The following ABCC12 variants were observed in gnomAD, a reference collection of about 807,000 sequenced individuals.
ABCC12 encodes ATP binding cassette subfamily C member 12, also known as ATP-binding cassette sub-family C member 12.
ABCC12 carries 142 observed loss-of-function variants against 151.1 expected under a neutral mutation model. That is an observed-to-expected ratio of 0.94 (90% confidence interval 0.82 to 1.08). ABCC12 has a LOEUF of 1.08. Ranked by LOEUF, ABCC12 falls within the 50% of genes least tolerant of loss-of-function variation. The probability of loss-of-function intolerance (pLI) is 0.00; values close to 1 mark genes in which losing one functional copy is unlikely to be tolerated. For synonymous variants in ABCC12, 645 were observed against 646.4 expected (o/e 1.00, Z 0.03); for missense variants, 1,638 against 1,691.1 (o/e 0.97, Z 0.55).
At chr16:48,129,501 C>A (rs1185539256) in intron 10 of ABCC12, among the ~76,000 whole-genome samples, 1 of 152,156 alleles carries the variant, frequency 6.6e-6, no homozygotes, top group Non-Finnish European at 1.5e-5. Context: ...ATGAAACAAG[C>A]AATTCAGGAT....
chr16:48,116,442 GA>G (rs1276608667), intron 14 of ABCC12, among the ~76,000 whole-genome samples: 8 of 152,210 alleles, frequency 5.3e-5, no homozygotes, highest in Non-Finnish European at 1.0e-4. Context: ...TGGGACTTGG[GA>G]AAGCCTTCCT....
chr16:48,138,258 A>AG lies in ABCC12; in HGVS notation c.948dup (p.Trp317LeufsTer63). The AG allele has an allele frequency of 1.2e-6, 2 of 1,611,682 alleles. No homozygotes were observed. The highest frequency in any genetic ancestry group is 1.7e-6 in the Non-Finnish European group (2 of 1,178,050). On this transcript the variant is annotated frameshift_variant, in exon 8 of 31. Coordinates refer to ENST00000311303, the MANE Select transcript of ABCC12 (RefSeq NM_001393797.1). LOFTEE classifies it high-confidence loss of function. ...ATAGTGTTGGTAAAAGATTTCTCCCAGGCATACATTTTGATCAGCCTGATG... is the reference window on the plus strand; with the variant it reads ...ATAGTGTTGGTAAAAGATTTCTCCCAGGGCATACATTTTGATCAGCCTGATG...
intron 18 of ABCC12, among the ~76,000 whole-genome samples, chr16:48,110,352 A>G (rs551334891): frequency 1.3e-5 from 2 of 152,170 alleles, no homozygotes; most frequent in Non-Finnish European, 2.9e-5. Flanking sequence ...AAATGGTGGT[A>G]GCCTTTAAAA....
chr16:48,130,676 A>C (rs1964391043), intron 10 of ABCC12, 112 bp downstream of exon 10: 1 of 769,232 alleles, frequency 1.3e-6, no homozygotes, highest in East Asian at 2.6e-5. Flanking sequence ...CCCAATGTCA[A>C]CTCAACAAGC....
rs942838816 is a variant in ABCC12 at position 48,085,399 on chromosome 16, C to T, written c.3828+194G>A. On this transcript the variant is annotated intron_variant, in intron 29 of 30. Transcript: ENST00000311303. ...AGGGGAAGCCTGGGAGGGGAAGGTG[C>T]TCTTGCTGTAAATGGCTGTTACTTT... Among the ~76,000 whole-genome samples the T allele has an allele frequency of 8.9e-4, 136 of 152,218 alleles. 1 individual carries two copies. Among genetic ancestry groups the T allele is most frequent in the Non-Finnish European group, 1.9e-4 (13 of 68,026 alleles).
intron 29 of ABCC12, among the ~76,000 whole-genome samples, chr16:48,084,771 C>T (rs767620039): frequency 4.6e-5 from 7 of 152,140 alleles, no homozygotes; most frequent in Non-Finnish European, 7.4e-5. Context: ...TTAAAAGTCT[C>T]GGAGGAACAT....
At position 48,153,892 on chromosome 16, in the gene ABCC12, G is replaced by T. The variant is rs1567460685; in HGVS notation, c.-319-8C>A. 1 of 152,202 alleles carries T rather than the reference G, an allele frequency of 6.6e-6. No individual in the cohort carries two copies. Among genetic ancestry groups the T allele is most frequent in the African/African-American group, 2.4e-5 (1 of 41,444 alleles). The allele number at this position is 152,202 out of a possible 1,614,324, so 9.4% of individuals were successfully genotyped here. ...TTGCTAAATTTGGCAGCCCTGGGGGGAAAAATGAGACTTTTTTTAAAATCA... is the reference window on the plus strand; with the variant it reads ...TTGCTAAATTTGGCAGCCCTGGGGGTAAAAATGAGACTTTTTTTAAAATCA... On this transcript the variant is annotated splice_region_variant and splice_polypyrimidine_tract_variant and intron_variant, in intron 1 of 30. Transcript: ENST00000311303.
chr16:48,117,882 T>C (rs1018158940), intron 13 of ABCC12, among the ~76,000 whole-genome samples: 26 of 151,924 alleles, frequency 1.7e-4, no homozygotes, highest in Non-Finnish European at 1.2e-4. Context: ...GAGAATGGAG[T>C]TTTCTCCCCT....
chr16:48,109,145 AG>A (rs1963600306), intron 18 of ABCC12, among the ~76,000 whole-genome samples: 1 of 152,088 alleles, frequency 6.6e-6, no homozygotes. Context: ...GGCATTTGGG[AG>A]GGGGCTGGGC....
At chr16:48,100,554 G>A (rs934253909) in intron 23 of ABCC12, among the ~76,000 whole-genome samples, 1 of 152,164 alleles carries the variant, frequency 6.6e-6, no homozygotes, top group Non-Finnish European at 1.5e-5. Flanking sequence ...GGTTTGGGGA[G>A]GGGCTGTAAG....
At chr16:48,124,355 A>G (rs2150642793) in intron 11 of ABCC12, 71 bp from the exon 12 acceptor site, 1 of 1,479,908 alleles carries the variant, frequency 6.8e-7, no homozygotes, top group Middle Eastern at 1.7e-4. Flanking sequence ...CAAAGGTGCC[A>G]CTCCCAAACT....
intron 8 of ABCC12, among the ~76,000 whole-genome samples, chr16:48,136,126 T>G (rs1325670901): frequency 6.6e-6 from 1 of 152,190 alleles, no homozygotes; most frequent in Non-Finnish European, 1.5e-5. Context: ...CACTGAAAAC[T>G]TGCCTTTTCA....
Position 48,111,852 on chromosome 16 carries a change from C to G in ABCC12, c.2048G>C (p.Gly683Ala). 1 of 1,614,182 alleles carries G rather than the reference C, an allele frequency of 6.2e-7. No homozygotes were observed. The highest frequency in any genetic ancestry group is 8.5e-7 in the Non-Finnish European group (1 of 1,180,026). Residue 683 changes from glycine (G) to alanine (A), a missense_variant, in exon 16 of 31, where the codon GGA (glycine) becomes GCA (alanine). Transcript: ENST00000311303. ...LLEDGEICEK[G>A]THKELMEERG... Reference sequence around the variant, plus strand: ...CTCCTCCATTAACTCCTTGTGGGTTCCCTTTTCACAAATCTCTCCATCTTC... The same window carrying G: ...CTCCTCCATTAACTCCTTGTGGGTTGCCTTTTCACAAATCTCTCCATCTTC...
At chr16:48,113,829 G>C (rs1963783948) in intron 15 of ABCC12, among the ~76,000 whole-genome samples, 1 of 152,190 alleles carries the variant, frequency 6.6e-6, no homozygotes, top group Non-Finnish European at 1.5e-5. Context: ...CCAGGACCAA[G>C]GTTATGATTC....
chr16:48,139,401 G>C lies in ABCC12; in HGVS notation c.658-65C>G, dbSNP rs563037080. 10 of 1,513,396 alleles carry C rather than the reference G, an allele frequency of 6.6e-6. No individual in the cohort carries two copies. In the East Asian group the frequency reaches 6.8e-5, roughly 10 times the overall value. The allele number at this position is 1,513,396 out of a possible 1,614,324, so 93.7% of individuals were successfully genotyped here. On this transcript the variant is annotated intron_variant, in intron 6 of 30. Transcript: ENST00000311303. ...CAGTCAAACATGTCTTTAAATGAAG[G>C]CTTTCAGATTGGCCGAGGGGATCTA...
chr16:48,110,441 G>C (rs911733892), intron 18 of ABCC12, among the ~76,000 whole-genome samples: 1 of 152,100 alleles, frequency 6.6e-6, no homozygotes, highest in South Asian at 2.1e-4. Context: ...GAATAACTTG[G>C]AAAGCCACCT....
chr16:48,140,796 G>A lies in ABCC12; in HGVS notation c.548C>T (p.Ala183Val), dbSNP rs751176173. The change falls in exon 6 of 31, where the codon GCC (alanine) becomes GTC (valine). Residue 183 changes from alanine (A) to valine (V), a missense_variant. Coordinates refer to ENST00000311303, the MANE Select transcript of ABCC12 (RefSeq NM_001393797.1). ...EFTKVFFWAL[A>V]WAINYRTAIR... is the part of the protein sequence containing the mutation. ...GGCCGTGCGGTAGTTGATGGCCCAG[G>A]CAAGGGCCCAAAAGAAGACTTTGGT... 1 of 1,614,200 alleles carries A rather than the reference G, an allele frequency of 6.2e-7. No individual in the cohort carries two copies. Among genetic ancestry groups the A allele is most frequent in the Non-Finnish European group, 8.5e-7 (1 of 1,180,034 alleles).
intron 2 of ABCC12, among the ~76,000 whole-genome samples, chr16:48,151,701 C>T (rs995939658): frequency 6.6e-6 from 1 of 152,102 alleles, no homozygotes; most frequent in Non-Finnish European, 1.5e-5. Flanking sequence ...ACACTCTACA[C>T]CAAATTCAAG....
intron 24 of ABCC12, 45 bp downstream of exon 24, chr16:48,096,691 GATGTATTACA>G: frequency 1.3e-6 from 2 of 1,580,238 alleles, no homozygotes; most frequent in Non-Finnish European, 1.7e-6. Context: ...CACCCTCGCT[GATGTATTACA>G]GGCCGGAGCC....
Sources: gnomAD v4.1 joint callset for allele counts (sites outside exome capture counted in the v4.1 genomes callset) on GRCh38, gnomAD v4.1.1 for gene constraint, MANE v1.5 for transcripts, NCBI Gene and HGNC (gene_info 2026-07-23, HGNC 2026-07-21) for gene names.